C19orf38: variants seen among roughly 807,000 people sequenced by gnomAD.
The protein encoded by C19orf38 is chromosome 19 open reading frame 38.
In C19orf38, 14 loss-of-function variants were observed where a neutral mutation model predicts 26.6. The observed-to-expected ratio is 0.53, with a 90% CI of 0.35 to 0.82. C19orf38 has a LOEUF of 0.82. Among genes scored for constraint, C19orf38 ranks in the 40% least tolerant of loss-of-function variants. C19orf38 has a pLI of 0.01. For missense variants in C19orf38, 261 were observed against 299.5 expected, an observed-to-expected ratio of 0.87 and a Z score of 0.95; for synonymous variants, 132 against 128.5, an observed-to-expected ratio of 1.03 and a Z score of -0.18.
At chr19:10,857,094 G>T (rs1170496034) in intron 3 of C19orf38, among the ~76,000 whole-genome samples, 1 of 151,176 alleles carries the variant, frequency 6.6e-6, no homozygotes, top group African/African-American at 2.4e-5. Context: ...ACCACACCTG[G>T]CTAATTTTTA....
chr19:10,849,005 C>G (rs2073542654), intron 1 of C19orf38, among the ~76,000 whole-genome samples: 1 of 151,946 alleles, frequency 6.6e-6, no homozygotes, highest in Non-Finnish European at 1.5e-5. Context: ...GGAGACCATC[C>G]TGCAGGAAGC....
chr19:10,841,171 G>T (rs972456662), intron 1 of C19orf38, among the ~76,000 whole-genome samples: 1 of 152,046 alleles, frequency 6.6e-6, no homozygotes, highest in Non-Finnish European at 1.5e-5. Flanking sequence ...AGATAGAAAA[G>T]TGAAACAAAA....
chr19:10,861,889 G>A (rs1487066048), intron 5 of C19orf38, among the ~76,000 whole-genome samples: 1 of 151,446 alleles, frequency 6.6e-6, no homozygotes, highest in African/African-American at 2.4e-5. Context: ...CCCTTTTGTT[G>A]TTGTTGTTTT....
intron 1 of C19orf38, among the ~76,000 whole-genome samples, chr19:10,841,292 A>G (rs1382514251): frequency 6.7e-6 from 1 of 149,950 alleles, no homozygotes; most frequent in Non-Finnish European, 1.5e-5. Context: ...ACGTAGAGAG[A>G]CTCTCCCGCT....
At chr19:10,841,503 C>T (rs2073477531) in intron 1 of C19orf38, among the ~76,000 whole-genome samples, 1 of 151,730 alleles carries the variant, frequency 6.6e-6, no homozygotes, top group African/African-American at 2.4e-5. Context: ...AAAAAAATAC[C>T]CTCTCGCGGC....
chr19:10,862,492 A>C (rs1414358993), intron 5 of C19orf38, among the ~76,000 whole-genome samples: 1 of 151,320 alleles, frequency 6.6e-6, no homozygotes, highest in African/African-American at 2.4e-5. Flanking sequence ...GCCGTGAGCC[A>C]CCTCACCTGG....
At chr19:10,850,668 G>T (rs946651492) in intron 2 of C19orf38, 101 bp downstream of exon 2, 1 of 1,256,914 alleles carries the variant, frequency 8.0e-7, no homozygotes, top group Admixed American at 2.2e-5. Flanking sequence ...AAAAAGCCAG[G>T]CTTACACCCT....
upstream of C19orf38, among the ~76,000 whole-genome samples, chr19:10,847,369 C>CTAT (rs2146246806): frequency 7.9e-6 from 1 of 125,938 alleles, no homozygotes; most frequent in East Asian, 2.3e-4. Flanking sequence ...GTCCACTGCT[C>CTAT]TTTTTTTTTT....
chr19:10,838,570 C>T (rs888191071), intron 1 of C19orf38, among the ~76,000 whole-genome samples: 9 of 152,120 alleles, frequency 5.9e-5, no homozygotes, highest in South Asian at 4.1e-4. Flanking sequence ...GCCTCGTTGT[C>T]TTGAGTAACA....
At chr19:10,837,803 G>A (rs777939805) in intron 1 of C19orf38, among the ~76,000 whole-genome samples, 16 of 150,616 alleles carry the variant, frequency 1.1e-4, no homozygotes, top group African/African-American at 3.4e-4. Context: ...CACTGCACCC[G>A]GCCGGATTTT....
chr19:10,857,662 C>T lies in C19orf38; in HGVS notation c.434-654C>T, dbSNP rs151007610. 6.2e-4 allele frequency among the ~76,000 whole-genome samples: 94 copies of T among 151,434 alleles called. 1 individual carries two copies. Among genetic ancestry groups the T allele is most frequent in the African/African-American group, 2.0e-3 (81 of 41,290 alleles). On this transcript the variant is annotated intron_variant, in intron 3 of 6. Transcript: ENST00000397820. Reference sequence around the variant, plus strand: ...CTTTGGGAGGCCGAGGTGGGCAGATCGCGAGGTCAGGAGTTTGAGACCAGC... The same window carrying T: ...CTTTGGGAGGCCGAGGTGGGCAGATTGCGAGGTCAGGAGTTTGAGACCAGC...
intron 6 of C19orf38, among the ~76,000 whole-genome samples, chr19:10,864,836 G>T (rs1406279763): frequency 6.6e-6 from 1 of 152,198 alleles, no homozygotes; most frequent in African/African-American, 2.4e-5. Context: ...GTGAGGCTTG[G>T]AGGGTCAGGA....
At chr19:10,860,392 G>A (rs1195309078) in intron 5 of C19orf38, among the ~76,000 whole-genome samples, 3 of 151,556 alleles carry the variant, frequency 2.0e-5, no homozygotes, top group Non-Finnish European at 4.4e-5. Flanking sequence ...AAATTAGCAG[G>A]GTGTGGTGGC....
chr19:10,865,394 G>A (rs551032492), intron 6 of C19orf38, among the ~76,000 whole-genome samples: 11 of 152,308 alleles, frequency 7.2e-5, no homozygotes, highest in Admixed American at 2.0e-4. Context: ...TGATCCGCCC[G>A]CCTTGGCCTC....
At chr19:10,861,371 A>G (rs1415012607) in intron 5 of C19orf38, among the ~76,000 whole-genome samples, 1 of 152,156 alleles carries the variant, frequency 6.6e-6, no homozygotes, top group African/African-American at 2.4e-5. Flanking sequence ...AAGGCACCCC[A>G]AGCAGAGAAA....
At chr19:10,844,831 G>C (rs1341218996), upstream of C19orf38, among the ~76,000 whole-genome samples, 1 of 133,770 alleles carries the variant, frequency 7.5e-6, no homozygotes, top group Non-Finnish European at 1.6e-5. Flanking sequence ...CTGGGCGACA[G>C]AGCGAGATTC....
intron 3 of C19orf38, among the ~76,000 whole-genome samples, chr19:10,857,366 A>ATATATATATATATATATATAT (rs1433358051): frequency 3.6e-5 from 2 of 56,102 alleles, no homozygotes; most frequent in Admixed American, 2.2e-4. Flanking sequence ...ATATATATAT[A>ATATATATATATATATATATAT]TTTTTTTTTT....
At chr19:10,842,376 T>A (rs1464704047) in intron 1 of C19orf38, 2 of 531,404 alleles carry the variant, frequency 3.8e-6, no homozygotes, top group Admixed American at 3.1e-5. Context: ...TTCTCCTGCC[T>A]CAGCCTCCCG....
At chr19:10,850,843 C>A (rs1001858828) in intron 2 of C19orf38, among the ~76,000 whole-genome samples, 6 of 152,140 alleles carry the variant, frequency 3.9e-5, no homozygotes, top group African/African-American at 1.4e-4. Context: ...GCTCCACATT[C>A]TTCTCCGTCT....
Sources: allele counts gnomAD v4.1 joint callset (sites outside exome capture counted in the v4.1 genomes callset), GRCh38; gene constraint gnomAD v4.1.1; transcripts MANE v1.5; gene names NCBI Gene and HGNC (gene_info 2026-07-23, HGNC 2026-07-21).